The following CYRIB variants were observed in gnomAD, a reference collection of about 807,000 sequenced individuals.
CYRIB encodes CYFIP-related Rac1 interactor B.
Under a neutral mutation model 44.2 loss-of-function variants are expected in CYRIB, and 8 were observed. That is an observed-to-expected ratio of 0.18 (90% CI 0.11 to 0.33). The LOEUF is 0.33. Among genes scored for constraint, CYRIB ranks in the 10% least tolerant of loss-of-function variants. CYRIB has a pLI of 1.00. For missense variants in CYRIB, 185 were observed against 382.8 expected, an observed-to-expected ratio of 0.48 and a Z score of 4.31; for synonymous variants, 131 against 127.2, an observed-to-expected ratio of 1.03 and a Z score of -0.20.
At chr8:129,988,738 A>G (rs1387847869) in intron 1 of CYRIB, among the ~76,000 whole-genome samples, 2 of 151,750 alleles carry the variant, frequency 1.3e-5, no homozygotes, top group Admixed American at 1.3e-4. Flanking sequence ...AAAGAGGCTG[A>G]GTTCAATATG....
chr8:129,849,388 A>G lies in CYRIB; in HGVS notation c.714-19T>C. Reference sequence around the variant, plus strand: ...GTATTCCCTGAAGAGTAGATAAGATATGCATGGAAGAAGTGCATTACAAAA... The same window carrying G: ...GTATTCCCTGAAGAGTAGATAAGATGTGCATGGAAGAAGTGCATTACAAAA... On this transcript the variant is annotated intron_variant, in intron 9 of 11. Coordinates refer to ENST00000519824, the Ensembl canonical transcript of CYRIB. 1 of 1,588,442 alleles carries G rather than the reference A, an allele frequency of 6.3e-7. No homozygotes were observed. The highest frequency in any genetic ancestry group is 8.5e-7 in the Non-Finnish European group (1 of 1,172,236).
At position 129,850,919 on chromosome 8, in the gene CYRIB, A is replaced by G. The variant is rs1265648122; in HGVS notation, c.634-5T>C. Reference sequence around the variant, plus strand: ...TTCTATTGGTAAATTTTTATTCTGTAGAAGTATATGAAGAACAAAAAAAGT... The same window carrying G: ...TTCTATTGGTAAATTTTTATTCTGTGGAAGTATATGAAGAACAAAAAAAGT... On this transcript the variant is annotated splice_polypyrimidine_tract_variant and splice_region_variant and intron_variant, in intron 8 of 11. Coordinates refer to ENST00000519824, the Ensembl canonical transcript of CYRIB. The G allele has an allele frequency of 6.4e-7, 1 of 1,569,758 alleles. No individual in the cohort carries two copies.
At chr8:129,933,263 C>T (rs2092028852) in intron 1 of CYRIB, among the ~76,000 whole-genome samples, 1 of 152,166 alleles carries the variant, frequency 6.6e-6, no homozygotes, top group Non-Finnish European at 1.5e-5. Context: ...CTGCTCCTAC[C>T]CCCAAACTCT....
intron 4 of CYRIB, chr8:129,868,631 G>A (rs971916570): frequency 3.3e-5 from 5 of 151,802 alleles, no homozygotes; most frequent in East Asian, 3.9e-4. Context: ...GAGTGACTAC[G>A]GTATCCTATG....
chr8:129,850,360 T>A (rs2042627686), intron 9 of CYRIB: 1 of 158,302 alleles, frequency 6.3e-6, no homozygotes, highest in Admixed American at 6.5e-5. Context: ...AAAACAGAAT[T>A]CAGGTTCGTG....
chr8:129,904,186 C>A (rs2073961691), intron 1 of CYRIB, among the ~76,000 whole-genome samples: 1 of 152,126 alleles, frequency 6.6e-6, no homozygotes, highest in African/African-American at 2.4e-5. Context: ...ATCACTCTAT[C>A]AGGAAAAAGC....
chr8:129,930,265 C>T (rs2090458319), intron 1 of CYRIB, among the ~76,000 whole-genome samples: 1 of 148,782 alleles, frequency 6.7e-6, no homozygotes, highest in Non-Finnish European at 1.5e-5. Context: ...TTATGAGACC[C>T]TAACAAGATC....
chr8:129,841,882 G>GT, exon 12 of CYRIB: 1 of 348,630 alleles, frequency 2.9e-6, no homozygotes. Flanking sequence ...ATTTTTCTCA[G>GT]TAGAGACCCC....
intron 2 of CYRIB, chr8:129,970,674 A>T (rs894182285): frequency 6.6e-6 from 1 of 152,164 alleles, no homozygotes; most frequent in Non-Finnish European, 1.5e-5. Flanking sequence ...GGTGTGAGCC[A>T]CTGCGCCCAG....
At chr8:129,884,025 T>C (rs2061771542) in intron 2 of CYRIB, among the ~76,000 whole-genome samples, 1 of 152,168 alleles carries the variant, frequency 6.6e-6, no homozygotes, top group Non-Finnish European at 1.5e-5. Flanking sequence ...GATGGCAGTC[T>C]ATCACAAGAG....
At chr8:129,920,193 C>G (rs1296447434) in intron 1 of CYRIB, among the ~76,000 whole-genome samples, 2 of 151,840 alleles carry the variant, frequency 1.3e-5, no homozygotes, top group African/African-American at 4.8e-5. Flanking sequence ...TAAGTCCAGC[C>G]TGTTAAATGT....
At chr8:130,001,063 G>T (rs978134917) in intron 1 of CYRIB, among the ~76,000 whole-genome samples, 1 of 152,116 alleles carries the variant, frequency 6.6e-6, no homozygotes, top group Non-Finnish European at 1.5e-5. Flanking sequence ...CCAAAACACA[G>T]GCAAAGATGA....
At chr8:129,888,931 A>G (rs1012884078) in intron 2 of CYRIB, among the ~76,000 whole-genome samples, 1 of 152,056 alleles carries the variant, frequency 6.6e-6, no homozygotes, top group Non-Finnish European at 1.5e-5. Flanking sequence ...CATCTCTACT[A>G]AAAATACAAA....
intron 5 of CYRIB, among the ~76,000 whole-genome samples, chr8:129,860,162 T>A (rs545604999): frequency 6.6e-6 from 1 of 152,210 alleles, no homozygotes; most frequent in Non-Finnish European, 1.5e-5. Flanking sequence ...TGTGCTGGAA[T>A]AGCACCCATG....
chr8:129,990,685 C>T (rs1467302249), intron 1 of CYRIB, among the ~76,000 whole-genome samples: 1 of 152,076 alleles, frequency 6.6e-6, no homozygotes, highest in East Asian at 1.9e-4. Context: ...CTACACCTAG[C>T]TAATTTCCTT....
At chr8:129,861,853 T>C (rs2049862478) in intron 5 of CYRIB, among the ~76,000 whole-genome samples, 1 of 152,192 alleles carries the variant, frequency 6.6e-6, no homozygotes, top group South Asian at 2.1e-4. Flanking sequence ...GGTCCTATTA[T>C]GAGAAATCAC....
At chr8:129,990,398 G>A (rs2096599198) in intron 1 of CYRIB, among the ~76,000 whole-genome samples, 1 of 151,950 alleles carries the variant, frequency 6.6e-6, no homozygotes. Flanking sequence ...TAAATGACTG[G>A]TATATACGTA....
At chr8:129,864,083 A>C (rs2051870274) in intron 4 of CYRIB, among the ~76,000 whole-genome samples, 1 of 152,240 alleles carries the variant, frequency 6.6e-6, no homozygotes, top group Admixed American at 6.5e-5. Context: ...ATTAGCTGCA[A>C]ACTGAATTAA....
At chr8:129,992,157 C>G (rs2096655772) in intron 1 of CYRIB, among the ~76,000 whole-genome samples, 2 of 151,422 alleles carry the variant, frequency 1.3e-5, no homozygotes, top group Admixed American at 1.3e-4. Context: ...TCTGTATCTA[C>G]AAATAATAGA....
Sources: allele counts gnomAD v4.1 joint callset (sites outside exome capture counted in the v4.1 genomes callset), GRCh38; gene constraint gnomAD v4.1.1; transcripts MANE v1.5; gene names NCBI Gene and HGNC (gene_info 2026-07-23, HGNC 2026-07-21).